DOCK3: variants seen among roughly 807,000 people sequenced by gnomAD.
DOCK3 encodes the protein dedicator of cytokinesis protein 3.
In DOCK3, 60 loss-of-function variants were observed where a neutral mutation model predicts 265.6. That is an observed-to-expected ratio of 0.23 (90% CI 0.18 to 0.28). The LOEUF (loss-of-function observed/expected upper bound fraction) is 0.28. Ranked by LOEUF, DOCK3 falls within the 10% of genes least tolerant of loss-of-function variation. The pLI is 1.00. For missense variants in DOCK3, 1,981 were observed against 2,594.3 expected, an observed-to-expected ratio of 0.76 and a Z score of 5.14; for synonymous variants, 881 against 938.0, an observed-to-expected ratio of 0.94 and a Z score of 1.11.
intron 1 of DOCK3, among the ~76,000 whole-genome samples, chr3:50,741,851 T>C (rs1390883649): frequency 3.9e-5 from 6 of 152,080 alleles, no homozygotes; most frequent in Middle Eastern, 3.2e-3. Flanking sequence ...AATCACCACA[T>C]TGACTTCCAC....
At chr3:51,177,578 A>G (rs550667836) in intron 12 of DOCK3, among the ~76,000 whole-genome samples, 188 of 152,366 alleles carry the variant, frequency 1.2e-3, no homozygotes, top group Admixed American at 3.3e-3. Context: ...CAAACCATAT[A>G]GTTCAAAAGC....
chr3:51,183,467 T>C (rs1401739630), intron 12 of DOCK3, among the ~76,000 whole-genome samples: 1 of 152,024 alleles, frequency 6.6e-6, no homozygotes, highest in African/African-American at 2.4e-5. Flanking sequence ...AGAGGGACTT[T>C]GGGCTGTACA....
intron 22 of DOCK3, among the ~76,000 whole-genome samples, chr3:51,250,982 T>C (rs1269415891): frequency 6.6e-6 from 1 of 152,190 alleles, no homozygotes; most frequent in Admixed American, 6.5e-5. Flanking sequence ...AACTCGTCAT[T>C]TACATTAGGT....
intron 51 of DOCK3, chr3:51,379,501 C>A: frequency 1.0e-6 from 1 of 985,476 alleles, no homozygotes; most frequent in Non-Finnish European, 1.2e-6. Context: ...CCCAAGAGGC[C>A]CAGCCCTTCC....
At chr3:51,261,565 C>T (rs543951158) in intron 23 of DOCK3, among the ~76,000 whole-genome samples, 6 of 152,248 alleles carry the variant, frequency 3.9e-5, no homozygotes, top group South Asian at 2.1e-4. Context: ...GAGACAGAAC[C>T]GTTCACTCCC....
At chr3:50,951,933 G>A (rs1412104814) in intron 5 of DOCK3, among the ~76,000 whole-genome samples, 1 of 152,140 alleles carries the variant, frequency 6.6e-6, no homozygotes, top group Non-Finnish European at 1.5e-5. Flanking sequence ...AAAAATGAGG[G>A]CATCCTTCTG....
intron 5 of DOCK3, among the ~76,000 whole-genome samples, chr3:50,986,465 C>T (rs894245587): frequency 6.6e-6 from 1 of 152,154 alleles, no homozygotes; most frequent in Non-Finnish European, 1.5e-5. Flanking sequence ...CAAATTCACC[C>T]ACATATCCCA....
chr3:51,250,551 G>A (rs897391013), intron 22 of DOCK3, among the ~76,000 whole-genome samples: 5 of 152,154 alleles, frequency 3.3e-5, no homozygotes, highest in East Asian at 1.9e-4. Flanking sequence ...CCTGGGAGGC[G>A]GAGGTTGCAG....
At position 51,150,870 on chromosome 3, in the gene DOCK3, G is replaced by A. The variant is rs936960424; in HGVS notation, c.828+4240G>A. On this transcript the variant is annotated intron_variant, in intron 10 of 52. Coordinates refer to ENST00000266037, the MANE Select transcript of DOCK3 (RefSeq NM_004947.5). The stretch of plus-strand genomic sequence containing the variant: ...TATTTGGTCCACTTGGTGCAGAGCT[G>A]AGTTCAATTCCTGGATGTCCTTGTT... Among the ~76,000 whole-genome samples, 5 of 152,174 alleles carry A rather than the reference G, an allele frequency of 3.3e-5. No individual in the cohort carries two copies. The East Asian group carries it at 7.7e-4, about 23-fold the overall frequency.
At chr3:50,792,909 G>A (rs1172011902) in intron 2 of DOCK3, among the ~76,000 whole-genome samples, 1 of 152,188 alleles carries the variant, frequency 6.6e-6, no homozygotes, top group Non-Finnish European at 1.5e-5. Context: ...ATATCAGGAT[G>A]ATGCTGGCCT....
At chr3:50,863,225 G>A (rs1317230638) in intron 3 of DOCK3, among the ~76,000 whole-genome samples, 1 of 152,142 alleles carries the variant, frequency 6.6e-6, no homozygotes, top group African/African-American at 2.4e-5. Context: ...AGGGGATCTG[G>A]TGGTGCTGTG....
intron 1 of DOCK3, among the ~76,000 whole-genome samples, chr3:50,680,069 T>C (rs1279217410): frequency 6.6e-6 from 1 of 152,186 alleles, no homozygotes; most frequent in Admixed American, 6.5e-5. Context: ...GATTGTATTA[T>C]TACACCGTGT....
At chr3:50,708,234 C>T (rs1373911274) in intron 1 of DOCK3, among the ~76,000 whole-genome samples, 1 of 152,156 alleles carries the variant, frequency 6.6e-6, no homozygotes, top group Non-Finnish European at 1.5e-5. Context: ...GGGAATCCTG[C>T]TGCTGGAGGG....
At chr3:51,110,361 A>AC (rs912573031) in intron 9 of DOCK3, among the ~76,000 whole-genome samples, 2 of 152,032 alleles carry the variant, frequency 1.3e-5, no homozygotes, top group Non-Finnish European at 2.9e-5. Flanking sequence ...TGGCAGAGAC[A>AC]CACCACCACC....
At chr3:50,801,702 T>C (rs991698272) in intron 2 of DOCK3, among the ~76,000 whole-genome samples, 4 of 152,216 alleles carry the variant, frequency 2.6e-5, no homozygotes, top group African/African-American at 7.2e-5. Context: ...TCTACAAATA[T>C]CTGTTACATC....
At chr3:50,884,117 T>G (rs1197857289) in intron 3 of DOCK3, among the ~76,000 whole-genome samples, 1 of 151,794 alleles carries the variant, frequency 6.6e-6, no homozygotes, top group African/African-American at 2.4e-5. Flanking sequence ...ATTTTTGATA[T>G]GGAGTCTCGC....
At chr3:51,324,085 C>T (rs1187335162) in intron 32 of DOCK3, among the ~76,000 whole-genome samples, 1 of 152,078 alleles carries the variant, frequency 6.6e-6, no homozygotes, top group African/African-American at 2.4e-5. Context: ...GGCAATCAGG[C>T]AAGATAAAGA....
intron 6 of DOCK3, among the ~76,000 whole-genome samples, chr3:51,064,919 T>C (rs1275468452): frequency 1.3e-5 from 2 of 152,212 alleles, no homozygotes; most frequent in African/African-American, 4.8e-5. Flanking sequence ...AGAATACACT[T>C]GAAAATATAT....
chr3:50,821,680 G>A (rs570686403), intron 2 of DOCK3, among the ~76,000 whole-genome samples: 1 of 152,254 alleles, frequency 6.6e-6, no homozygotes, highest in Admixed American at 6.5e-5. Context: ...TATGGTGAAA[G>A]GTAAGCATCC....
Sources: gnomAD v4.1 joint callset for allele counts (sites outside exome capture counted in the v4.1 genomes callset) on GRCh38, gnomAD v4.1.1 for gene constraint, MANE v1.5 for transcripts, NCBI Gene and HGNC (gene_info 2026-07-23, HGNC 2026-07-21) for gene names.